Variants in FANCC observed in about 807,000 individuals in gnomAD.
FANCC encodes the protein FA complementation group C.
Under a neutral mutation model 71.3 loss-of-function variants are expected in FANCC, and 55 were observed. That is an observed-to-expected ratio of 0.77 (90% CI 0.62 to 0.97). FANCC has a LOEUF of 0.97. Among genes scored for constraint, FANCC ranks in the 50% least tolerant of loss-of-function variants. The pLI is 0.00. For synonymous variants in FANCC, 275 were observed against 244.9 expected, an observed-to-expected ratio of 1.12 and a Z score of -1.15; for missense variants, 678 against 670.9, an observed-to-expected ratio of 1.01 and a Z score of -0.12.
chr9:95,265,962 G>T (rs1013816329), intron 1 of FANCC, among the ~76,000 whole-genome samples: 1 of 152,192 alleles, frequency 6.6e-6, no homozygotes, highest in African/African-American at 2.4e-5. Context: ...GCATGAGGAA[G>T]GGGCACCAGC....
intron 4 of FANCC, among the ~76,000 whole-genome samples, chr9:95,185,984 T>C (rs1490215917): frequency 2.0e-5 from 3 of 152,244 alleles, no homozygotes; most frequent in Non-Finnish European, 4.4e-5. Context: ...TCTTATCATA[T>C]GTTTAAAATG....
intron 4 of FANCC, among the ~76,000 whole-genome samples, chr9:95,196,692 G>C (rs1827478810): frequency 6.6e-6 from 1 of 152,070 alleles, no homozygotes; most frequent in Admixed American, 6.6e-5. Flanking sequence ...ATGATCTGAG[G>C]GTAAACTGCA....
chr9:95,174,591 C>G (rs1165520674), intron 4 of FANCC, among the ~76,000 whole-genome samples: 1 of 151,920 alleles, frequency 6.6e-6, no homozygotes, highest in Non-Finnish European at 1.5e-5. Context: ...GCCTTCCATA[C>G]ATGTATGTGC....
At chr9:95,146,946 T>C (rs1829653416) in intron 7 of FANCC, among the ~76,000 whole-genome samples, 1 of 151,810 alleles carries the variant, frequency 6.6e-6, no homozygotes, top group Non-Finnish European at 1.5e-5. Flanking sequence ...TGTAGTAATA[T>C]ATATTTTTTA....
At chr9:95,310,055 C>A (rs1309133031) in intron 1 of FANCC, among the ~76,000 whole-genome samples, 1 of 151,934 alleles carries the variant, frequency 6.6e-6, no homozygotes, top group Non-Finnish European at 1.5e-5. Flanking sequence ...CTGCACCAAG[C>A]AAAACCAGCT....
intron 4 of FANCC, among the ~76,000 whole-genome samples, chr9:95,222,703 A>C (rs968752462): frequency 6.6e-6 from 1 of 152,248 alleles, no homozygotes; most frequent in Non-Finnish European, 1.5e-5. Flanking sequence ...CCACAATTCT[A>C]TGTAATAAAA....
intron 14 of FANCC, among the ~76,000 whole-genome samples, chr9:95,105,410 T>C (rs527533839): frequency 3.9e-5 from 6 of 152,338 alleles, no homozygotes; most frequent in African/African-American, 1.4e-4. Context: ...AAGCTGTGTA[T>C]TTTCTGTATG....
rs1024173551 is a variant in FANCC, at chr9:95,298,224, T to TA, written c.-79+19301dup. 1.6e-4 allele frequency among the ~76,000 whole-genome samples: 24 copies of TA among 151,500 alleles called. 1 individual carries two copies. Among genetic ancestry groups the TA allele is most frequent in the East Asian group, 9.7e-4 (5 of 5,152 alleles). ...TATTTAGTATTTAGATCAGACATAG[T>TA]AAAAAAAAGGAATAGAGAGGAGGTA... On this transcript the variant is annotated intron_variant, in intron 1 of 14. Coordinates refer to ENST00000289081, the MANE Select transcript of FANCC (RefSeq NM_000136.3).
At chr9:95,292,883 T>A (rs1834137513) in intron 1 of FANCC, 1 of 1,585,000 alleles carries the variant, frequency 6.3e-7, no homozygotes, top group Non-Finnish European at 8.7e-7. Context: ...TGAAAAGACT[T>A]GCAGAGGACT....
chr9:95,132,902 C>A (rs975452717), intron 8 of FANCC, among the ~76,000 whole-genome samples: 2 of 152,124 alleles, frequency 1.3e-5, no homozygotes, highest in African/African-American at 4.8e-5. Context: ...TCTGCATAGT[C>A]CCAAGAGAGA....
At chr9:95,230,448 A>T (rs1002223033) in intron 4 of FANCC, among the ~76,000 whole-genome samples, 1 of 152,138 alleles carries the variant, frequency 6.6e-6, no homozygotes, top group African/African-American at 2.4e-5. Context: ...TGTGTCCGGA[A>T]TTTATTCCTT....
At position 95,100,369 on chromosome 9, in the gene FANCC, G is replaced by GATC. The variant is rs1158161591; in HGVS notation, c.*1335_*1337dup. ...CCTGGAATTTTCCAGATCTTCAGTG[G>GATC]ATCTATTAGCATTGCCACATACCAA... On this transcript the variant is annotated 3_prime_UTR_variant, in exon 15 of 15. Coordinates refer to ENST00000289081, the MANE Select transcript of FANCC (RefSeq NM_000136.3). The GATC allele has an allele frequency of 4.3e-6, 1 of 231,586 alleles. No individual in the cohort carries two copies. Among genetic ancestry groups the GATC allele is most frequent in the Non-Finnish European group, 8.5e-6 (1 of 117,062 alleles). 14.3% of individuals were successfully genotyped at this position (231,586 alleles called of 1,614,324 possible).
At chr9:95,235,634 C>T (rs1274250928) in intron 4 of FANCC, among the ~76,000 whole-genome samples, 4 of 152,004 alleles carry the variant, frequency 2.6e-5, no homozygotes, top group Non-Finnish European at 4.4e-5. Context: ...CACGTGAGGT[C>T]GGGAGTTTGA....
At chr9:95,293,361 A>G in intron 1 of FANCC, 3 of 1,597,186 alleles carry the variant, frequency 1.9e-6, no homozygotes, top group Non-Finnish European at 2.6e-6. Flanking sequence ...GGGGCTGTGC[A>G]CTTACTGCCT....
At chr9:95,226,355 G>C (rs571044432) in intron 4 of FANCC, among the ~76,000 whole-genome samples, 1 of 152,224 alleles carries the variant, frequency 6.6e-6, no homozygotes, top group South Asian at 2.1e-4. Flanking sequence ...GGGGTGAAAA[G>C]GAAAAGGATT....
chr9:95,255,826 T>C (rs1314636381), intron 1 of FANCC, among the ~76,000 whole-genome samples: 1 of 151,708 alleles, frequency 6.6e-6, no homozygotes, highest in Non-Finnish European at 1.5e-5. Flanking sequence ...AACTGCTAAC[T>C]AGAATAATAT....
In FANCC at chr9:95,125,069, T is replaced by C. The variant is rs767279490; in HGVS notation, c.996+17A>G. ...TATTCTCTGGGATGAATGAGTAATA[T>C]ATGTGATATAACAAACCTGCTTGCT... is the stretch of plus-strand genomic sequence containing the variant. On this transcript the variant is annotated intron_variant, in intron 10 of 14. Coordinates refer to ENST00000289081, the MANE Select transcript of FANCC (RefSeq NM_000136.3). The C allele has an allele frequency of 6.3e-6, 10 of 1,599,120 alleles. No homozygotes were observed. Among genetic ancestry groups the C allele is most frequent in the Admixed American group, 3.3e-5 (2 of 59,978 alleles).
intron 1 of FANCC, among the ~76,000 whole-genome samples, chr9:95,263,943 G>A (rs1832229919): frequency 6.6e-6 from 1 of 152,120 alleles, no homozygotes; most frequent in Non-Finnish European, 1.5e-5. Flanking sequence ...AGTTTTAAAT[G>A]AGTTCACTTT....
chr9:95,203,231 T>C (rs929488287), intron 4 of FANCC, among the ~76,000 whole-genome samples: 1 of 151,858 alleles, frequency 6.6e-6, no homozygotes, highest in African/African-American at 2.4e-5. Context: ...ACCCCATCTT[T>C]ACAAAAAAAT....
Sources: allele counts gnomAD v4.1 joint callset (sites outside exome capture counted in the v4.1 genomes callset), GRCh38; gene constraint gnomAD v4.1.1; transcripts MANE v1.5; gene names NCBI Gene and HGNC (gene_info 2026-07-23, HGNC 2026-07-21).